SLC17A8: variants seen among roughly 807,000 people sequenced by gnomAD.
The protein encoded by SLC17A8 is vesicular glutamate transporter 3.
A neutral mutation model predicts 58.0 loss-of-function variants in SLC17A8; 31 were observed. That is an observed-to-expected ratio of 0.53 (90% CI 0.40 to 0.72). SLC17A8 has a LOEUF of 0.72. SLC17A8 is among the 30% of genes least tolerant of loss of function. The pLI is 0.00. For synonymous variants in SLC17A8, 228 were observed against 249.0 expected (o/e 0.92, Z 0.79); for missense variants, 655 against 727.8 (o/e 0.90, Z 1.15).
At chr12:100,419,701 A>G in intron 11 of SLC17A8, 114 bp from the exon 12 acceptor site, 1 of 1,007,102 alleles carries the variant, frequency 9.9e-7, no homozygotes, top group Non-Finnish European at 1.5e-6. Context: ...AGGAGCCTCT[A>G]GAGCATCACC....
At chr12:100,403,240 G>A (rs1040330174) in intron 8 of SLC17A8, among the ~76,000 whole-genome samples, 42 of 152,180 alleles carry the variant, frequency 2.8e-4, no homozygotes, top group African/African-American at 7.5e-4. Context: ...ATTTTGGGAA[G>A]CCAAGGCTGG....
intron 1 of SLC17A8, among the ~76,000 whole-genome samples, chr12:100,376,832 T>A (rs987985394): frequency 2.0e-5 from 3 of 152,116 alleles, no homozygotes; most frequent in African/African-American, 7.2e-5. Context: ...TTTTTTGAGA[T>A]GGAGTCTCAC....
At chr12:100,402,240 C>T (rs1593003063) in intron 6 of SLC17A8, 100 bp from the exon 7 acceptor site, 3 of 1,355,548 alleles carry the variant, frequency 2.2e-6, no homozygotes, top group Admixed American at 1.9e-5. Flanking sequence ...TGGTACATTA[C>T]CCATTTTACC....
intron 2 of SLC17A8, among the ~76,000 whole-genome samples, chr12:100,383,627 G>A (rs1301429541): frequency 6.6e-6 from 1 of 152,156 alleles, no homozygotes; most frequent in Non-Finnish European, 1.5e-5. Context: ...AGAGAAATAA[G>A]CAGTATGAAT....
intron 1 of SLC17A8, among the ~76,000 whole-genome samples, chr12:100,372,000 G>A (rs1199924539): frequency 2.0e-5 from 3 of 152,314 alleles, no homozygotes; most frequent in East Asian, 3.9e-4. Flanking sequence ...AGTCCCTAGA[G>A]TGTAGCAAGT....
intron 8 of SLC17A8, 26 bp from the exon 9 acceptor site, chr12:100,404,012 C>G: frequency 3.1e-6 from 5 of 1,613,956 alleles, no homozygotes; most frequent in Non-Finnish European, 3.4e-6. Context: ...TAATGACAAA[C>G]TGCTTACTGT....
rs186635086 is a variant in SLC17A8 at position 100,385,133 on chromosome 12, T to A, written c.354+4180T>A. Among the ~76,000 whole-genome samples the A allele has an allele frequency of 6.8e-3, 1,018 of 150,042 alleles. 5 individuals carry two copies. Among genetic ancestry groups the A allele is most frequent in the Admixed American group, 0.015 (227 of 15,040 alleles). ...CTCTCTCTCTGTGTGTGTGTGTGTG[T>A]GAGAGAGAGAGAGAGAGAGAGAAAG... is the stretch of plus-strand genomic sequence containing the variant. On this transcript the variant is annotated intron_variant, in intron 2 of 11. Coordinates refer to ENST00000323346, the MANE Select transcript of SLC17A8 (RefSeq NM_139319.3).
intron 2 of SLC17A8, among the ~76,000 whole-genome samples, chr12:100,389,594 A>G (rs1952699391): frequency 1.3e-5 from 2 of 150,974 alleles, no homozygotes; most frequent in African/African-American, 4.9e-5. Flanking sequence ...CACACATTAT[A>G]TATATTATAT....
At position 100,407,684 on chromosome 12, in the gene SLC17A8, C is replaced by T. The variant is rs1359017616; in HGVS notation, c.1186+3514C>T. On this transcript the variant is annotated intron_variant, in intron 9 of 11. Coordinates refer to ENST00000323346, the MANE Select transcript of SLC17A8 (RefSeq NM_139319.3). The stretch of plus-strand genomic sequence containing the variant: ...GCAGTGGCGTGATCTCAGCTCACTG[C>T]AAGTTCCGCCTCCCAGGTTCACACC... 7.2e-5 allele frequency among the ~76,000 whole-genome samples: 11 copies of T among 152,240 alleles called. No homozygotes were observed. In the East Asian group the frequency reaches 1.7e-3, roughly 24 times the overall value.
chr12:100,405,780 G>A (rs1952822453), intron 9 of SLC17A8, among the ~76,000 whole-genome samples: 1 of 152,104 alleles, frequency 6.6e-6, no homozygotes, highest in Non-Finnish European at 1.5e-5. Context: ...CTATCCCTCA[G>A]CAGATACTTG....
chr12:100,366,144 T>C (rs1051934193), intron 1 of SLC17A8, among the ~76,000 whole-genome samples: 1 of 150,270 alleles, frequency 6.7e-6, no homozygotes, highest in Non-Finnish European at 1.5e-5. Context: ...TTTAAATCTC[T>C]GAAGGTGCAA....
intron 9 of SLC17A8, among the ~76,000 whole-genome samples, chr12:100,412,387 G>C (rs969536835): frequency 3.9e-5 from 6 of 151,968 alleles, no homozygotes; most frequent in Admixed American, 6.6e-5. Context: ...TGGATACAGG[G>C]AGGGGATCAT....
intron 2 of SLC17A8, among the ~76,000 whole-genome samples, chr12:100,390,663 G>A (rs147734456): frequency 1.3e-5 from 2 of 151,516 alleles, no homozygotes; most frequent in Non-Finnish European, 2.9e-5. Context: ...TGTTTTTTAA[G>A]ATGGGGTTTC....
intron 9 of SLC17A8, 137 bp downstream of exon 9, chr12:100,404,307 A>C: frequency 8.9e-7 from 1 of 1,117,414 alleles, no homozygotes; most frequent in Admixed American, 1.9e-5. Flanking sequence ...CTCAGCAGAC[A>C]CTTGAGTGTT....
intron 2 of SLC17A8, among the ~76,000 whole-genome samples, chr12:100,390,398 A>G (rs556700160): frequency 2.1e-4 from 32 of 151,590 alleles, no homozygotes; most frequent in African/African-American, 7.7e-4. Flanking sequence ...CCAAGCTGGA[A>G]TGCAGTGGTG....
Position 100,412,780 on chromosome 12 carries a change from G to A in SLC17A8, c.1197G>A (p.Met399Ile), listed in dbSNP as rs1259144378. 8.1e-6 allele frequency: 13 copies of A among 1,613,556 alleles called. No homozygotes were observed. Among genetic ancestry groups the A allele is most frequent in the Non-Finnish European group, 1.1e-5 (13 of 1,179,672 alleles). Residue 399 changes from methionine (M) to isoleucine (I), a missense_variant, in exon 10 of 12, where the codon ATG becomes ATA. Physicochemically the swap from Met to Ile is conservative, Grantham distance 10 (BLOSUM62 1). Coordinates refer to ENST00000323346, the MANE Select transcript of SLC17A8 (RefSeq NM_139319.3). ...TGTTTCCATTTGCAGGTTTTGGCATGGAGGCAACCTTACTCCTGGTGGTTG... is the reference window on the plus strand; with the variant it reads ...TGTTTCCATTTGCAGGTTTTGGCATAGAGGCAACCTTACTCCTGGTGGTTG... ...RKIMNCGGFG[M>I]EATLLLVVGF...
chr12:100,394,849 G>GTA (rs1200574628), intron 4 of SLC17A8, among the ~76,000 whole-genome samples: 3 of 146,092 alleles, frequency 2.1e-5, no homozygotes, highest in Non-Finnish European at 4.5e-5. Flanking sequence ...TATATATAGT[G>GTA]TATATATATA....
At chr12:100,406,872 G>A (rs1309756880) in intron 9 of SLC17A8, among the ~76,000 whole-genome samples, 1 of 152,142 alleles carries the variant, frequency 6.6e-6, no homozygotes, top group Non-Finnish European at 1.5e-5. Flanking sequence ...ATTATGCAGG[G>A]TACAAGAGTA....
chr12:100,396,448 T>C, intron 5 of SLC17A8, 31 bp downstream of exon 5: 2 of 1,584,072 alleles, frequency 1.3e-6, no homozygotes, highest in Middle Eastern at 1.7e-4. Context: ...ACAAATTTTA[T>C]TTATGAATGC....
Sources: allele counts gnomAD v4.1 joint callset (sites outside exome capture counted in the v4.1 genomes callset), GRCh38; gene constraint gnomAD v4.1.1; transcripts MANE v1.5; gene names NCBI Gene and HGNC (gene_info 2026-07-23, HGNC 2026-07-21).